The following TAFA2 variants were observed in gnomAD, a reference collection of about 807,000 sequenced individuals.
The protein encoded by TAFA2 is TAFA chemokine like family member 2, also known as chemokine-like protein TAFA-2.
Under a neutral mutation model 18.8 loss-of-function variants are expected in TAFA2, and 7 were observed. The observed-to-expected ratio is 0.37, with a 90% CI of 0.21 to 0.70. The LOEUF is 0.70. Among genes scored for constraint, TAFA2 ranks in the 30% least tolerant of loss-of-function variants. The pLI, the probability that TAFA2 is intolerant of heterozygous loss-of-function variation, is 0.53. For synonymous variants in TAFA2, 60 were observed against 54.2 expected, an observed-to-expected ratio of 1.11 and a Z score of -0.47; for missense variants, 122 against 158.1, an observed-to-expected ratio of 0.77 and a Z score of 1.23.
intron 1 of TAFA2, among the ~76,000 whole-genome samples, chr12:61,977,864 T>C (rs984839910): frequency 2.0e-5 from 3 of 151,950 alleles, no homozygotes; most frequent in Non-Finnish European, 2.9e-5. Context: ...CATCTTCTAA[T>C]CAGTTTTCAG....
intron 1 of TAFA2, among the ~76,000 whole-genome samples, chr12:61,988,082 T>G (rs1879876724): frequency 6.6e-6 from 1 of 152,106 alleles, no homozygotes; most frequent in Admixed American, 6.5e-5. Context: ...ATACCCACAT[T>G]TTGAGAGTTA....
intron 1 of TAFA2, among the ~76,000 whole-genome samples, chr12:62,119,339 T>A (rs1445970093): frequency 6.9e-6 from 1 of 144,686 alleles, no homozygotes; most frequent in Non-Finnish European, 1.5e-5. Flanking sequence ...TCAAATACAA[T>A]CAGAATGATT....
intron 1 of TAFA2, among the ~76,000 whole-genome samples, chr12:62,165,055 A>G (rs1369671947): frequency 2.0e-5 from 3 of 152,052 alleles, no homozygotes; most frequent in Non-Finnish European, 2.9e-5. Context: ...TACCTTGGGG[A>G]AAATCATTTT....
At position 61,845,688 on chromosome 12, in the gene TAFA2, A is replaced by G. The variant is rs193019633; in HGVS notation, c.106+21632T>C. On this transcript the variant is annotated intron_variant, in intron 2 of 4. Coordinates refer to ENST00000416284, the MANE Select transcript of TAFA2 (RefSeq NM_178539.5). The stretch of plus-strand genomic sequence containing the variant: ...TGGGGTGATTATCCATTTTCCAAAG[A>G]GACTATCTTAGCATTTGGACTTACA... 2.4e-3 allele frequency among the ~76,000 whole-genome samples: 363 copies of G among 152,288 alleles called. 2 individuals are homozygous for G. The highest frequency in any genetic ancestry group is 8.2e-3 in the African/African-American group (341 of 41,566).
At chr12:62,039,509 G>C (rs771450150) in intron 1 of TAFA2, among the ~76,000 whole-genome samples, 7 of 152,170 alleles carry the variant, frequency 4.6e-5, no homozygotes, top group Admixed American at 1.3e-4. Flanking sequence ...AAACTTGATG[G>C]TTGAGAGCAG....
At chr12:61,967,169 G>T (rs1879096210) in intron 1 of TAFA2, among the ~76,000 whole-genome samples, 1 of 151,728 alleles carries the variant, frequency 6.6e-6, no homozygotes, top group African/African-American at 2.4e-5. Context: ...TTTTCTATGT[G>T]CATATTCTTT....
chr12:61,721,886 C>G (rs1297104494), intron 4 of TAFA2, among the ~76,000 whole-genome samples: 1 of 150,228 alleles, frequency 6.7e-6, no homozygotes, highest in Non-Finnish European at 1.5e-5. Context: ...ACCTGGGAGG[C>G]AGAGGTTGCA....
At chr12:62,168,794 A>C (rs1592378843) in intron 1 of TAFA2, among the ~76,000 whole-genome samples, 1 of 152,076 alleles carries the variant, frequency 6.6e-6, no homozygotes, top group Non-Finnish European at 1.5e-5. Flanking sequence ...TTATGATTGC[A>C]CCACTGCACT....
chr12:62,179,522 C>T (rs1271714862), intron 1 of TAFA2, among the ~76,000 whole-genome samples: 3 of 152,118 alleles, frequency 2.0e-5, no homozygotes, highest in Non-Finnish European at 4.4e-5. Context: ...TTATTTTTGA[C>T]TTTTAGTTTA....
intron 1 of TAFA2, among the ~76,000 whole-genome samples, chr12:61,893,521 G>A (rs1444359863): frequency 6.6e-6 from 1 of 152,292 alleles, no homozygotes; most frequent in East Asian, 1.9e-4. Context: ...TCAGGAGTGA[G>A]AGGGGAGAAT....
chr12:61,880,270 G>A (rs973172362), intron 1 of TAFA2: 2 of 476,140 alleles, frequency 4.2e-6, no homozygotes, highest in Non-Finnish European at 8.3e-6. Context: ...ATGTCAGCTG[G>A]CTCCAGGCTG....
chr12:62,224,283 T>C (rs1361462271), intron 1 of TAFA2, among the ~76,000 whole-genome samples: 2 of 152,180 alleles, frequency 1.3e-5, no homozygotes, highest in Non-Finnish European at 2.9e-5. Context: ...TCTTGGTGTA[T>C]TTAGGCTGCC....
At chr12:61,865,421 AG>A (rs1200980298) in intron 2 of TAFA2, among the ~76,000 whole-genome samples, 11 of 152,242 alleles carry the variant, frequency 7.2e-5, no homozygotes, top group Non-Finnish European at 1.6e-4. Flanking sequence ...GAAAGAAAAA[AG>A]AACAAAAGGA....
intron 2 of TAFA2, among the ~76,000 whole-genome samples, chr12:61,765,201 C>T (rs1177020251): frequency 1.3e-5 from 2 of 152,040 alleles, no homozygotes; most frequent in African/African-American, 4.8e-5. Context: ...CTCCATCACC[C>T]ACTCTCTCTC....
intron 4 of TAFA2, chr12:61,720,992 A>C: frequency 2.0e-6 from 1 of 504,134 alleles, no homozygotes; most frequent in Non-Finnish European, 4.0e-6. Flanking sequence ...AACCTGGGAG[A>C]AAGGGGACAT....
At chr12:61,880,247 G>A (rs1017283549) in intron 1 of TAFA2, 15 of 479,690 alleles carry the variant, frequency 3.1e-5, no homozygotes, top group African/African-American at 2.4e-4. Flanking sequence ...TGACATCTCC[G>A]AGATGAACCA....
At chr12:62,178,225 G>A (rs1370841990) in intron 1 of TAFA2, among the ~76,000 whole-genome samples, 3 of 152,068 alleles carry the variant, frequency 2.0e-5, no homozygotes, top group South Asian at 2.1e-4. Context: ...ACTTGAGCCC[G>A]AGAGATCGAG....
At chr12:62,222,685 T>C (rs1007491339) in intron 1 of TAFA2, among the ~76,000 whole-genome samples, 1 of 151,102 alleles carries the variant, frequency 6.6e-6, no homozygotes, top group Non-Finnish European at 1.5e-5. Context: ...TTTTTTTTTT[T>C]TTTTATTTTT....
chr12:62,090,482 T>G (rs998451372), intron 1 of TAFA2, among the ~76,000 whole-genome samples: 1 of 152,114 alleles, frequency 6.6e-6, no homozygotes, highest in Non-Finnish European at 1.5e-5. Context: ...ACAGAACAGT[T>G]GGCATCACTT....
Sources: allele counts gnomAD v4.1 joint callset (sites outside exome capture counted in the v4.1 genomes callset), GRCh38; gene constraint gnomAD v4.1.1; transcripts MANE v1.5; gene names NCBI Gene and HGNC (gene_info 2026-07-23, HGNC 2026-07-21).